Variants in PEPD observed in about 807,000 individuals in gnomAD.
PEPD encodes the protein xaa-Pro dipeptidase.
In PEPD, 53 loss-of-function variants were observed where a neutral mutation model predicts 60.7. The observed-to-expected ratio is 0.87, with a 90% CI of 0.70 to 1.10. The LOEUF (loss-of-function observed/expected upper bound fraction) is 1.10, where lower values mean the gene tolerates loss of function less well. Among genes scored for constraint, PEPD ranks in the 50% least tolerant of loss-of-function variants. The pLI, the probability that PEPD is intolerant of heterozygous loss-of-function variation, is 0.00. For missense variants in PEPD, 711 were observed against 711.9 expected (o/e 1.00, Z 0.01); for synonymous variants, 267 against 284.1 (o/e 0.94, Z 0.60).
At chr19:33,512,564 C>T in intron 2 of PEPD, 29 bp downstream of exon 2, 1 of 1,607,920 alleles carries the variant, frequency 6.2e-7, no homozygotes, top group African/African-American at 1.3e-5. Flanking sequence ...CACACACCTG[C>T]TCACTTGTGG....
At chr19:33,457,700 C>CG in intron 9 of PEPD, among the ~76,000 whole-genome samples, 1 of 152,230 alleles carries the variant, frequency 6.6e-6, no homozygotes, top group South Asian at 2.1e-4. Context: ...TTAGTAGAGA[C>CG]GCGGTTTCAC....
chr19:33,494,011 A>C (rs928934256), intron 4 of PEPD, among the ~76,000 whole-genome samples: 4 of 152,110 alleles, frequency 2.6e-5, no homozygotes, highest in Non-Finnish European at 5.9e-5. Context: ...ATCAATGTGC[A>C]CTCAGGATGA....
chr19:33,400,525 C>G (rs572079646), intron 12 of PEPD, among the ~76,000 whole-genome samples: 1 of 152,356 alleles, frequency 6.6e-6, no homozygotes, highest in Admixed American at 6.5e-5. Flanking sequence ...GCAGGGAAAG[C>G]CCCTCTGCGC....
intron 6 of PEPD, among the ~76,000 whole-genome samples, chr19:33,481,655 C>G (rs1361125897): frequency 2.6e-5 from 4 of 152,122 alleles, no homozygotes; most frequent in African/African-American, 9.7e-5. Flanking sequence ...TAAAGAAAAG[C>G]CCAGGACCAA....
chr19:33,517,340 A>G (rs905568649), intron 1 of PEPD, among the ~76,000 whole-genome samples: 1 of 152,016 alleles, frequency 6.6e-6, no homozygotes, highest in African/African-American at 2.4e-5. Context: ...TGGGCAGATC[A>G]CCTGAGGTCA....
chr19:33,418,170 T>G (rs1401911683), intron 9 of PEPD, among the ~76,000 whole-genome samples: 1 of 152,246 alleles, frequency 6.6e-6, no homozygotes, highest in Non-Finnish European at 1.5e-5. Flanking sequence ...GCCAAGCAGT[T>G]GTGCTGTGTA....
intron 9 of PEPD, among the ~76,000 whole-genome samples, chr19:33,440,562 T>C (rs540272623): frequency 2.0e-5 from 3 of 152,150 alleles, no homozygotes; most frequent in African/African-American, 7.2e-5. Flanking sequence ...CCTGGCTGTT[T>C]CTGTTCCCTG....
chr19:33,433,170 C>T (rs758216816), intron 9 of PEPD, among the ~76,000 whole-genome samples: 1 of 152,268 alleles, frequency 6.6e-6, no homozygotes, highest in African/African-American at 2.4e-5. Context: ...GGGCACAGAA[C>T]ATGCTGGGTG....
At chr19:33,395,620 G>A (rs948286605) in intron 12 of PEPD, among the ~76,000 whole-genome samples, 2 of 152,198 alleles carry the variant, frequency 1.3e-5, no homozygotes, top group African/African-American at 4.8e-5. Flanking sequence ...CTCCTGCTGG[G>A]CCTAGGGCCC....
chr19:33,423,754 T>C (rs142518659), intron 9 of PEPD, among the ~76,000 whole-genome samples: 1 of 152,372 alleles, frequency 6.6e-6, no homozygotes, highest in Non-Finnish European at 1.5e-5. Flanking sequence ...GTAACAAGTT[T>C]CCCCTTTGCT....
intron 5 of PEPD, among the ~76,000 whole-genome samples, chr19:33,490,699 T>C (rs1432658762): frequency 6.6e-6 from 1 of 152,214 alleles, no homozygotes; most frequent in African/African-American, 2.4e-5. Flanking sequence ...TGTCTTGCTC[T>C]GTCACCCAGG....
intron 12 of PEPD, among the ~76,000 whole-genome samples, chr19:33,400,886 A>AG (rs1452100742): frequency 1.1e-4 from 16 of 152,200 alleles, no homozygotes; most frequent in Admixed American, 9.8e-4. Context: ...TGGAGGACCC[A>AG]GGGGTCACTC....
At chr19:33,394,327 G>A (rs934246450) in intron 12 of PEPD, among the ~76,000 whole-genome samples, 1 of 152,268 alleles carries the variant, frequency 6.6e-6, no homozygotes, top group African/African-American at 2.4e-5. Context: ...CAGAGGGCGG[G>A]AATCAGGTAT....
chr19:33,413,327 A>G (rs1159086347), intron 10 of PEPD, among the ~76,000 whole-genome samples: 2 of 152,178 alleles, frequency 1.3e-5, no homozygotes. Context: ...GGGGACGCCA[A>G]GCAGCCCCTC....
chr19:33,512,517 T>C, intron 2 of PEPD, 76 bp downstream of exon 2: 3 of 1,447,364 alleles, frequency 2.1e-6, no homozygotes, highest in Non-Finnish European at 2.9e-6. Context: ...CTGGCCAAGC[T>C]GGGGCCTCCA....
intron 4 of PEPD, among the ~76,000 whole-genome samples, chr19:33,496,033 C>T (rs534676588): frequency 1.3e-5 from 2 of 152,228 alleles, no homozygotes; most frequent in South Asian, 2.1e-4. Context: ...TGTCCCTACA[C>T]ACCCTCAGCC....
intron 9 of PEPD, among the ~76,000 whole-genome samples, chr19:33,429,639 G>A (rs1969229228): frequency 6.6e-6 from 1 of 152,176 alleles, no homozygotes; most frequent in South Asian, 2.1e-4. Context: ...TTATATTGAG[G>A]TAGTAGAAAA....
intron 9 of PEPD, among the ~76,000 whole-genome samples, chr19:33,414,038 CCT>C: frequency 6.6e-6 from 1 of 152,212 alleles, no homozygotes; most frequent in Non-Finnish European, 1.5e-5. Context: ...GAAGTGATTC[CCT>C]GTGACTCCGT....
At chr19:33,397,227 AG>A (rs1411621391) in intron 12 of PEPD, among the ~76,000 whole-genome samples, 1 of 152,222 alleles carries the variant, frequency 6.6e-6, no homozygotes. Context: ...CCCTAGGATC[AG>A]GGGCCAAGGC....
Sources: gnomAD v4.1 joint callset for allele counts (sites outside exome capture counted in the v4.1 genomes callset) on GRCh38, gnomAD v4.1.1 for gene constraint, MANE v1.5 for transcripts, NCBI Gene and HGNC (gene_info 2026-07-23, HGNC 2026-07-21) for gene names.